ZFAT: variants seen among roughly 807,000 people sequenced by gnomAD.
ZFAT encodes zinc finger and AT-hook domain containing.
In ZFAT, 64 loss-of-function variants were observed where a neutral mutation model predicts 117.7. The ratio of observed to expected loss-of-function variants is 0.54; its 90% CI spans 0.44 to 0.67. The LOEUF (loss-of-function observed/expected upper bound fraction) is 0.67, where lower values mean the gene tolerates loss of function less well. Among genes scored for constraint, ZFAT ranks in the 30% least tolerant of loss-of-function variants. The pLI is 0.00. For synonymous variants in ZFAT, 679 were observed against 615.0 expected, an observed-to-expected ratio of 1.10 and a Z score of -1.54; for missense variants, 1,433 against 1,584.5, an observed-to-expected ratio of 0.90 and a Z score of 1.62.
the ZFAT span, among the ~76,000 whole-genome samples, chr8:134,768,738 G>A: frequency 6.6e-5 from 10 of 152,204 alleles, no homozygotes; most frequent in African/African-American, 2.4e-4. Context: ...AATTCAAGAT[G>A]AGATTTGGGT....
the ZFAT span, among the ~76,000 whole-genome samples, chr8:134,814,231 G>A: frequency 2.9e-4 from 44 of 152,262 alleles, no homozygotes; most frequent in Non-Finnish European, 1.2e-4. Flanking sequence ...ATGTGCTAGC[G>A]TTCTTAGGAA....
chr8:134,713,653 A>G (rs1313603478), upstream of ZFAT, among the ~76,000 whole-genome samples: 1 of 151,948 alleles, frequency 6.6e-6, no homozygotes, highest in Non-Finnish European at 1.5e-5. Flanking sequence ...CCGCTCATTC[A>G]TTTCTCTGCT....
intron 2 of ZFAT, among the ~76,000 whole-genome samples, chr8:134,646,053 A>G (rs986939555): frequency 2.6e-5 from 4 of 151,446 alleles, no homozygotes; most frequent in Admixed American, 2.6e-4. Flanking sequence ...AAAAAAAAAT[A>G]GAAAAATTAG....
chr8:134,735,874 C>T, the ZFAT span, among the ~76,000 whole-genome samples: 1 of 151,986 alleles, frequency 6.6e-6, no homozygotes, highest in South Asian at 2.1e-4. Flanking sequence ...AAATAAAGCA[C>T]AAGTTGGGAT....
Position 134,602,477 on chromosome 8 carries a change from C to A in ZFAT, c.1242G>T (p.Lys414Asn). The A allele has an allele frequency of 6.2e-7, 1 of 1,613,882 alleles. No homozygotes were observed. Among genetic ancestry groups the A allele is most frequent in the Non-Finnish European group, 8.5e-7 (1 of 1,179,990 alleles). The change falls in exon 6 of 16, where the codon AAG becomes AAT. Residue 414 changes from lysine (K) to asparagine (N), a missense_variant. Coordinates refer to ENST00000377838, the MANE Select transcript of ZFAT (RefSeq NM_020863.4). ...YDCHICERKF[K>N]NELDRDRHML... ...TATGGCGGTCACGGTCCAGCTCGTT[C>A]TTGAACTTGCGCTCACAGATGTGGC...
chr8:134,810,121 T>C, the ZFAT span, among the ~76,000 whole-genome samples: 4,643 of 152,298 alleles, frequency 0.03, 101 homozygotes, highest in Middle Eastern at 0.15. Flanking sequence ...ATAGATTCTA[T>C]AGTGCGTTCC....
At chr8:134,631,659 T>C (rs1829899243) in intron 3 of ZFAT, among the ~76,000 whole-genome samples, 4 of 152,118 alleles carry the variant, frequency 2.6e-5, no homozygotes, top group Admixed American at 6.5e-5. Flanking sequence ...AGGGTGACAA[T>C]TGAGGGACAG....
chr8:134,626,462 C>T (rs1163403026), intron 3 of ZFAT, among the ~76,000 whole-genome samples: 1 of 152,218 alleles, frequency 6.6e-6, no homozygotes, highest in African/African-American at 2.4e-5. Flanking sequence ...GTGCCCTGCC[C>T]CAGTGGTCGA....
chr8:134,513,630 A>G (rs898077259), intron 13 of ZFAT, among the ~76,000 whole-genome samples: 4 of 152,236 alleles, frequency 2.6e-5, no homozygotes, highest in Non-Finnish European at 4.4e-5. Flanking sequence ...GAATTTTTAC[A>G]GAACTAGATG....
At chr8:134,569,738 C>G (rs1586728025) in intron 10 of ZFAT, among the ~76,000 whole-genome samples, 1 of 152,170 alleles carries the variant, frequency 6.6e-6, no homozygotes, top group Non-Finnish European at 1.5e-5. Context: ...GGTGACCCCA[C>G]AGTGGACCTT....
chr8:134,686,943 G>T (rs1833352601), intron 1 of ZFAT, among the ~76,000 whole-genome samples: 1 of 152,220 alleles, frequency 6.6e-6, no homozygotes, highest in African/African-American at 2.4e-5. Context: ...GTGTTTGAAA[G>T]TGGAACCTAG....
At chr8:134,589,469 C>G (rs751678869) in intron 8 of ZFAT, among the ~76,000 whole-genome samples, 1 of 152,216 alleles carries the variant, frequency 6.6e-6, no homozygotes, top group South Asian at 2.1e-4. Flanking sequence ...AAGGGAGAGG[C>G]ACATTTAGAA....
chr8:134,793,172 A>T, the ZFAT span: 1 of 152,208 alleles, frequency 6.6e-6, no homozygotes, highest in African/African-American at 2.4e-5. Flanking sequence ...ATGCCAATGA[A>T]TTTATAAATA....
intron 10 of ZFAT, among the ~76,000 whole-genome samples, chr8:134,571,953 G>A (rs961696703): frequency 1.3e-5 from 2 of 152,272 alleles, no homozygotes; most frequent in East Asian, 1.9e-4. Context: ...TAGCCATCCC[G>A]CTCCTGGAAA....
the ZFAT span, among the ~76,000 whole-genome samples, chr8:134,786,414 G>A: frequency 6.6e-6 from 1 of 152,132 alleles, no homozygotes; most frequent in Non-Finnish European, 1.5e-5. Context: ...GTACTAATAC[G>A]TTTATTCATC....
the ZFAT span, among the ~76,000 whole-genome samples, chr8:134,801,902 G>A: frequency 9.4e-3 from 1,432 of 152,292 alleles, 9 homozygotes; most frequent in African/African-American, 0.014. Context: ...GCCTAGAGGA[G>A]CAGCATCAGC....
chr8:134,512,307 G>A (rs1238970951), intron 14 of ZFAT, among the ~76,000 whole-genome samples, 168 bp downstream of exon 14: 3 of 152,208 alleles, frequency 2.0e-5, no homozygotes, highest in Admixed American at 2.0e-4. Context: ...ATTTCTGGAG[G>A]CAGAGATCTC....
chr8:134,603,493 A>G (rs1827665973), intron 5 of ZFAT, among the ~76,000 whole-genome samples: 1 of 136,860 alleles, frequency 7.3e-6, no homozygotes, highest in Non-Finnish European at 1.6e-5. Context: ...GTTAAGCCAG[A>G]CTTCCTATTC....
chr8:134,553,278 G>A (rs1563840637), intron 11 of ZFAT, among the ~76,000 whole-genome samples: 1 of 152,312 alleles, frequency 6.6e-6, no homozygotes, highest in East Asian at 1.9e-4. Flanking sequence ...GGCCGAGGCA[G>A]GTGGATCAAG....
Sources: gnomAD v4.1 joint callset for allele counts (sites outside exome capture counted in the v4.1 genomes callset) on GRCh38, gnomAD v4.1.1 for gene constraint, MANE v1.5 for transcripts, NCBI Gene and HGNC (gene_info 2026-07-23, HGNC 2026-07-21) for gene names.